MARK3: variants seen among roughly 807,000 people sequenced by gnomAD.
MARK3 encodes microtubule affinity regulating kinase 3.
MARK3 carries 46 observed loss-of-function variants against 90.1 expected under a neutral mutation model. The ratio of observed to expected loss-of-function variants is 0.51; its 90% CI spans 0.40 to 0.65. The LOEUF (loss-of-function observed/expected upper bound fraction) is 0.65. Ranked by LOEUF, MARK3 falls within the 30% of genes least tolerant of loss-of-function variation. MARK3 has a pLI of 0.00. For synonymous variants in MARK3, 321 were observed against 332.6 expected (o/e 0.97, Z 0.38); for missense variants, 818 against 947.2 (o/e 0.86, Z 1.79).
chr14:103,482,350 G>A (rs906988809), intron 14 of MARK3, among the ~76,000 whole-genome samples: 5 of 151,610 alleles, frequency 3.3e-5, no homozygotes, highest in East Asian at 2.0e-4. Context: ...GTGAAACCCC[G>A]TCTCTACTAA....
rs759228963 is a variant in MARK3 at position 103,503,290 on chromosome 14, G to A, written c.*63G>A. ...TGTTTTCCTGAACACTGATGGAAAT[G>A]TATAGAATAATATTTAGGCAATAAC... On this transcript the variant is annotated 3_prime_UTR_variant, in exon 18 of 18. Transcript: ENST00000429436. The A allele has an allele frequency of 5.3e-6, 7 of 1,323,036 alleles. No homozygotes were observed. The highest frequency in any genetic ancestry group is 6.3e-6 in the Non-Finnish European group (6 of 949,040). The allele number at this position is 1,323,036 out of a possible 1,614,324, so 82.0% of individuals were successfully genotyped here.
intron 1 of MARK3, among the ~76,000 whole-genome samples, chr14:103,390,084 C>A (rs528086216): frequency 3.0e-4 from 46 of 151,346 alleles, no homozygotes; most frequent in African/African-American, 1.0e-3. Context: ...CTGTGTCTAC[C>A]AAAAATATAA....
chr14:103,429,844 A>T (rs916861956), intron 3 of MARK3, among the ~76,000 whole-genome samples: 2 of 152,232 alleles, frequency 1.3e-5, no homozygotes, highest in Admixed American at 6.5e-5. Context: ...CTATGATGTT[A>T]CATACCTTCC....
intron 2 of MARK3, among the ~76,000 whole-genome samples, chr14:103,414,922 A>G (rs1001262057): frequency 6.6e-6 from 1 of 152,112 alleles, no homozygotes; most frequent in Admixed American, 6.5e-5. Flanking sequence ...CACAAGGTCA[A>G]GAGATCGAGA....
Position 103,502,891 on chromosome 14 carries a change from A to G in MARK3, c.1926A>G (p.Val642=). 3 of 1,610,864 alleles carry G rather than the reference A, an allele frequency of 1.9e-6. No homozygotes were observed. Among genetic ancestry groups the G allele is most frequent in the South Asian group, 2.2e-5 (2 of 91,014 alleles). ...CCTCTATGCATTTCAGTCGCAATGT[A>G]TCTGCTGAGCAAAAAGATGAAAACA... ...NGRYEGSSRN[V]SAEQKDENKE... The change falls in exon 18 of 18, where the codon GTA becomes GTG. Residue 642 remains valine (V), a synonymous_variant. Coordinates refer to ENST00000429436, the MANE Select transcript of MARK3 (RefSeq NM_001128918.3).
At chr14:103,458,518 G>A (rs918417001) in intron 6 of MARK3, among the ~76,000 whole-genome samples, 18 of 143,282 alleles carry the variant, frequency 1.3e-4, no homozygotes, top group African/African-American at 4.0e-4. Context: ...GAACGTGACT[G>A]TGTTCCAACA....
intron 16 of MARK3, chr14:103,499,792 A>G (rs1297395509): frequency 4.1e-6 from 1 of 241,366 alleles, no homozygotes; most frequent in African/African-American, 2.3e-5. Flanking sequence ...GAAAGTGAGA[A>G]TAACCCCATT....
intron 4 of MARK3, among the ~76,000 whole-genome samples, chr14:103,450,875 A>ATGTGTGTGTGTGTGT (rs1290999020): frequency 8.7e-6 from 1 of 114,828 alleles, no homozygotes; most frequent in African/African-American, 3.3e-5. Context: ...TCATTTTTAA[A>ATGTGTGTGTGTGTGT]GTGTGTGTGT....
chr14:103,474,158 T>C (rs2093677236), intron 12 of MARK3, among the ~76,000 whole-genome samples: 1 of 152,180 alleles, frequency 6.6e-6, no homozygotes, highest in Non-Finnish European at 1.5e-5. Context: ...TGAGCCGCGA[T>C]TGCGCCACTG....
intron 3 of MARK3, among the ~76,000 whole-genome samples, chr14:103,437,171 C>A (rs534989095): frequency 6.6e-6 from 1 of 151,774 alleles, no homozygotes; most frequent in Non-Finnish European, 1.5e-5. Flanking sequence ...ATAGAAAAAC[C>A]GGCTTTCAGT....
At chr14:103,392,556 T>C (rs1167358461) in intron 1 of MARK3, among the ~76,000 whole-genome samples, 1 of 152,170 alleles carries the variant, frequency 6.6e-6, no homozygotes, top group Non-Finnish European at 1.5e-5. Context: ...ATCACTGCCT[T>C]AGTGTGCAGT....
At chr14:103,439,901 C>T (rs1170284419) in intron 3 of MARK3, among the ~76,000 whole-genome samples, 36 of 152,014 alleles carry the variant, frequency 2.4e-4, no homozygotes, top group Non-Finnish European at 1.5e-5. Context: ...TCTCCTGCCT[C>T]AGCTTCCAAA....
intron 2 of MARK3, among the ~76,000 whole-genome samples, chr14:103,406,225 G>A (rs1479162693): frequency 6.6e-6 from 1 of 151,022 alleles, no homozygotes; most frequent in Non-Finnish European, 1.5e-5. Flanking sequence ...TGGGGGGTTA[G>A]GGGGGTGTCG....
At chr14:103,427,625 A>G (rs1405814765) in intron 2 of MARK3, among the ~76,000 whole-genome samples, 2 of 151,982 alleles carry the variant, frequency 1.3e-5, no homozygotes. Context: ...ATTATTCATG[A>G]GCTTTCTGGG....
intron 8 of MARK3, 81 bp from the exon 9 acceptor site, chr14:103,465,891 T>A: frequency 6.4e-7 from 1 of 1,562,700 alleles, no homozygotes; most frequent in Non-Finnish European, 8.7e-7. Context: ...GCGGGGGGTT[T>A]CAGGGGGTTT....
At chr14:103,392,753 A>G (rs1441769733) in intron 1 of MARK3, among the ~76,000 whole-genome samples, 1 of 152,186 alleles carries the variant, frequency 6.6e-6, no homozygotes, top group Non-Finnish European at 1.5e-5. Flanking sequence ...CCAGCCAGCA[A>G]TACTTTGTAG....
intron 2 of MARK3, among the ~76,000 whole-genome samples, chr14:103,424,141 C>T (rs1179032850): frequency 2.6e-5 from 4 of 151,706 alleles, no homozygotes; most frequent in African/African-American, 7.3e-5. Context: ...ACCCGGGAGG[C>T]GGAGGTTGCA....
intron 2 of MARK3, among the ~76,000 whole-genome samples, chr14:103,427,643 C>T (rs2092455059): frequency 6.6e-6 from 1 of 152,060 alleles, no homozygotes; most frequent in Non-Finnish European, 1.5e-5. Flanking sequence ...GGGAAAAGGG[C>T]AGAGATTTCC....
chr14:103,491,539 G>C (rs761712730), intron 14 of MARK3: 4 of 461,030 alleles, frequency 8.7e-6, no homozygotes. Flanking sequence ...CATTAATCTT[G>C]TCCTTGAAAA....
Sources: allele counts gnomAD v4.1 joint callset (sites outside exome capture counted in the v4.1 genomes callset), GRCh38; gene constraint gnomAD v4.1.1; transcripts MANE v1.5; gene names NCBI Gene and HGNC (gene_info 2026-07-23, HGNC 2026-07-21).